The following RABL3 variants were observed in gnomAD, a reference collection of about 807,000 sequenced individuals.
The protein encoded by RABL3 is rab-like protein 3.
In RABL3, 31 loss-of-function variants were observed where a neutral mutation model predicts 31.8. The ratio of observed to expected loss-of-function variants is 0.97; its 90% CI spans 0.73 to 1.31. The LOEUF is 1.31. RABL3 is among the 40% of genes most tolerant of loss of function. RABL3 has a pLI of 0.00. For missense variants in RABL3, 263 were observed against 279.6 expected, an observed-to-expected ratio of 0.94 and a Z score of 0.42; for synonymous variants, 97 against 99.9, an observed-to-expected ratio of 0.97 and a Z score of 0.18.
chr3:120,687,140 C>T lies in RABL3; in HGVS notation c.*2683G>A, dbSNP rs1291810800. ...AGTTGGATTCCAGCTAAGTCTTATA[C>T]ACCTAAGGGACAGAGGAGTAGTCAT... On this transcript the variant is annotated 3_prime_UTR_variant, in exon 8 of 8. Transcript: ENST00000273375. The T allele has an allele frequency of 6.6e-6, 1 of 152,170 alleles. No homozygotes were observed. The highest frequency in any genetic ancestry group is 2.4e-5 in the African/African-American group (1 of 41,436). The allele number at this position is 152,170 out of a possible 1,614,324, so 9.4% of individuals were successfully genotyped here.
Position 120,690,461 on chromosome 3 carries a change from TC to T in RABL3, c.632del (p.Arg211LysfsTer20). On this transcript the variant is annotated frameshift_variant, in exon 7 of 8. Transcript: ENST00000273375. LOFTEE classifies it high-confidence loss of function. ...AAGAGATACCAACCTGATTACCTTCTCTTAAAAAGTATCTCTTCTCTATGAC... is the reference window on the plus strand; with the variant it reads ...AAGAGATACCAACCTGATTACCTTCTTTAAAAAGTATCTCTTCTCTATGAC... Reference protein sequence around the residue: ...DKVIEKRYFLREGNQIPGFPD... With the variant: ...DKVIEKRYFLXEGNQIPGFPD... 6.3e-7 allele frequency: 1 copy of T among 1,593,582 alleles called. No homozygotes were observed. Among genetic ancestry groups the T allele is most frequent in the Non-Finnish European group, 8.6e-7 (1 of 1,161,754 alleles).
chr3:120,698,533 G>A lies in RABL3; in HGVS notation c.424C>T (p.Leu142=). The A allele has an allele frequency of 6.2e-7, 1 of 1,612,808 alleles. No individual in the cohort carries two copies. ...QEQFADNQIP[L]LVIGTKLDQI... ...TCCAGTTTAGTCCCTATTACCAACA[G>A]TGGTATTTGGTTATCAGCAAACTGT... The change falls in exon 5 of 8, where the codon CTG becomes TTG. Residue 142 remains leucine (L), a synonymous_variant. Coordinates refer to ENST00000273375, the MANE Select transcript of RABL3 (RefSeq NM_173825.5).
intron 6 of RABL3, among the ~76,000 whole-genome samples, chr3:120,691,974 C>T (rs1052252104): frequency 6.6e-6 from 1 of 152,140 alleles, no homozygotes; most frequent in Non-Finnish European, 1.5e-5. Context: ...TTATTTTTAG[C>T]CACAAGACAC....
intron 1 of RABL3, among the ~76,000 whole-genome samples, chr3:120,739,169 G>C (rs1709010749): frequency 6.6e-6 from 1 of 152,150 alleles, no homozygotes; most frequent in Non-Finnish European, 1.5e-5. Context: ...ACGAGGTCAG[G>C]AGTTCGAGAC....
In RABL3 at chr3:120,686,075, A is replaced by G. The variant is rs1189499190; in HGVS notation, c.*3748T>C. 6.6e-6 allele frequency among the ~76,000 whole-genome samples: 1 copy of G among 152,196 alleles called. No individual in the cohort carries two copies. The highest frequency in any genetic ancestry group is 1.5e-5 in the Non-Finnish European group (1 of 68,036). ...GACCCTAACATCAGATATTTTGTGT[A>G]GGCAAACATGTTGTGAAATATTTGA... On this transcript the variant is annotated 3_prime_UTR_variant, in exon 8 of 8. Transcript: ENST00000273375.
intron 2 of RABL3, among the ~76,000 whole-genome samples, chr3:120,715,934 C>T (rs765807978): frequency 7.2e-5 from 11 of 152,124 alleles, no homozygotes; most frequent in Non-Finnish European, 1.2e-4. Context: ...CAGTACCTGC[C>T]TCATAGGGTT....
chr3:120,737,864 G>A (rs1708990569), intron 1 of RABL3, among the ~76,000 whole-genome samples: 1 of 152,230 alleles, frequency 6.6e-6, no homozygotes, highest in Non-Finnish European at 1.5e-5. Flanking sequence ...AAATGTTGCT[G>A]CCTGATCATT....
rs988308998 is a variant in RABL3 at position 120,728,117 on chromosome 3, G to A, written c.138+2579C>T. Among the ~76,000 whole-genome samples, 5 of 152,202 alleles carry A rather than the reference G, an allele frequency of 3.3e-5. No homozygotes were observed. The East Asian group carries it at 9.7e-4, about 29-fold the overall frequency. On this transcript the variant is annotated intron_variant, in intron 2 of 7. Coordinates refer to ENST00000273375, the MANE Select transcript of RABL3 (RefSeq NM_173825.5). ...GTGGGAAAGAAAACCAAGACAAAAGGTGAACAACATGAATAGAATGGGCAC... is the reference window on the plus strand; with the variant it reads ...GTGGGAAAGAAAACCAAGACAAAAGATGAACAACATGAATAGAATGGGCAC...
At chr3:120,726,755 T>TTAAATAAA (rs548316065) in intron 2 of RABL3, among the ~76,000 whole-genome samples, 3 of 150,744 alleles carry the variant, frequency 2.0e-5, no homozygotes, top group African/African-American at 4.9e-5. Flanking sequence ...AAAAAATAAA[T>TTAAATAAA]TAAATAAATA....
At chr3:120,737,626 GCT>G (rs1708986449) in intron 1 of RABL3, among the ~76,000 whole-genome samples, 2 of 152,176 alleles carry the variant, frequency 1.3e-5, no homozygotes, top group Non-Finnish European at 2.9e-5. Flanking sequence ...CAGCTTTTCT[GCT>G]CTGTTTTTTC....
intron 2 of RABL3, chr3:120,722,063 A>G (rs1214084994): frequency 6.6e-6 from 1 of 152,180 alleles, no homozygotes; most frequent in East Asian, 1.9e-4. Flanking sequence ...CCCACAGCAC[A>G]TTCTCAGCTT....
intron 4 of RABL3, among the ~76,000 whole-genome samples, chr3:120,701,068 C>A (rs1708487056): frequency 6.6e-6 from 1 of 152,006 alleles, no homozygotes; most frequent in African/African-American, 2.4e-5. Flanking sequence ...TTATTAGTTT[C>A]TTATTTTTCA....
intron 2 of RABL3, among the ~76,000 whole-genome samples, chr3:120,712,855 A>G (rs1452871078): frequency 1.3e-5 from 2 of 152,176 alleles, no homozygotes; most frequent in Admixed American, 6.5e-5. Flanking sequence ...GTGTTTCTCC[A>G]GTACAGTTCC....
intron 2 of RABL3, among the ~76,000 whole-genome samples, chr3:120,727,803 C>G (rs1708839862): frequency 6.6e-6 from 1 of 152,060 alleles, no homozygotes; most frequent in Non-Finnish European, 1.5e-5. Context: ...AAAAATTAAT[C>G]AACATAATTT....
In RABL3 at chr3:120,687,045, G is replaced by GT. The variant is rs1212913292; in HGVS notation, c.*2777dup. The GT allele has an allele frequency of 6.6e-6, 1 of 152,100 alleles. No homozygotes were observed. The highest frequency in any genetic ancestry group is 1.9e-4 in the East Asian group (1 of 5,190). 9.4% of individuals were successfully genotyped at this position (152,100 alleles called of 1,614,324 possible). A position where few individuals can be genotyped will look rare whatever the true frequency, so the allele number is the denominator to read the frequency against. On this transcript the variant is annotated 3_prime_UTR_variant, in exon 8 of 8. Coordinates refer to ENST00000273375, the MANE Select transcript of RABL3 (RefSeq NM_173825.5). ...TTCTGCAGTTTTCTCAAATAACAGG[G>GT]TGCAATATTTTGGGGTTATGTGTCC...
rs374090145 is a variant in RABL3 at position 120,742,024 on chromosome 3, C to CCAGTGCACGTTTCT, written c.46+424_46+437dup. On this transcript the variant is annotated intron_variant, in intron 1 of 7. Transcript: ENST00000273375. Reference sequence around the variant, plus strand: ...TGAGTTAATACATGCGAAGCGCTTGCCAGTGCACGTTTCTCAGTGCACGTT... The same window carrying CCAGTGCACGTTTCT: ...TGAGTTAATACATGCGAAGCGCTTGCCAGTGCACGTTTCTCAGTGCACGTTTCTCAGTGCACGTT... Among the ~76,000 whole-genome samples, 13 of 152,282 alleles carry CCAGTGCACGTTTCT rather than the reference C, an allele frequency of 8.5e-5. No homozygotes were observed. In the South Asian group the frequency reaches 1.5e-3, roughly 17 times the overall value.
At chr3:120,720,193 A>G (rs1021289854) in intron 2 of RABL3, among the ~76,000 whole-genome samples, 1 of 152,240 alleles carries the variant, frequency 6.6e-6, no homozygotes, top group African/African-American at 2.4e-5. Context: ...GTACATCACC[A>G]TCATCAAAGA....
At chr3:120,715,438 T>C (rs557909291) in intron 2 of RABL3, among the ~76,000 whole-genome samples, 210 of 152,232 alleles carry the variant, frequency 1.4e-3, no homozygotes, top group Non-Finnish European at 2.4e-3. Flanking sequence ...CTCAGGAGGC[T>C]GAGGCACAAG....
chr3:120,723,778 AG>A (rs1459093580), intron 2 of RABL3, among the ~76,000 whole-genome samples: 1 of 152,208 alleles, frequency 6.6e-6, no homozygotes, highest in Non-Finnish European at 1.5e-5. Flanking sequence ...TCAATAAATT[AG>A]GTATTGATGG....
Sources: gnomAD v4.1 joint callset for allele counts (sites outside exome capture counted in the v4.1 genomes callset) on GRCh38, gnomAD v4.1.1 for gene constraint, MANE v1.5 for transcripts, NCBI Gene and HGNC (gene_info 2026-07-23, HGNC 2026-07-21) for gene names.